The following RUSC2 variants were observed in gnomAD, a reference collection of about 807,000 sequenced individuals.
RUSC2 encodes the protein RUN and SH3 domain containing 2.
In RUSC2, 34 loss-of-function variants were observed where a neutral mutation model predicts 122.2. The observed-to-expected ratio is 0.28, with a 90% CI of 0.21 to 0.37. RUSC2 has a LOEUF of 0.37. Among genes scored for constraint, RUSC2 ranks in the 10% least tolerant of loss-of-function variants. The pLI, the probability that RUSC2 is intolerant of heterozygous loss-of-function variation, is 1.00. For synonymous variants in RUSC2, 784 were observed against 790.0 expected, an observed-to-expected ratio of 0.99 and a Z score of 0.13; for missense variants, 1,747 against 1,952.4, an observed-to-expected ratio of 0.89 and a Z score of 1.98.
chr9:35,525,704 CAGG>C (rs893759475), intron 1 of RUSC2, among the ~76,000 whole-genome samples: 5 of 152,110 alleles, frequency 3.3e-5, no homozygotes, highest in Admixed American at 1.3e-4. Flanking sequence ...GAGGTTGAGG[CAGG>C]AGAATTGCTT....
chr9:35,516,217 T>G (rs1821104677), intron 1 of RUSC2, among the ~76,000 whole-genome samples: 1 of 152,086 alleles, frequency 6.6e-6, no homozygotes, highest in Non-Finnish European at 1.5e-5. Flanking sequence ...CTATAGCAGT[T>G]TGCCACCTGT....
chr9:35,560,374 A>G lies in RUSC2; in HGVS notation c.3734A>G (p.Glu1245Gly), dbSNP rs1322624320. Reference protein sequence around the residue: ...SEGGEEEEEEEETEEVAEAAG... With the variant: ...SEGGEEEEEEGETEEVAEAAG... ...GGTGGAGAAGAGGAAGAGGAAGAAG[A>G]GGAGACAGAAGAGGTGGCAGAGGCA... The change falls in exon 10 of 12, where the codon GAG (glutamate) becomes GGG (glycine). Residue 1245 changes from glutamate to glycine, a missense_variant. Coordinates refer to ENST00000361226, the MANE Select transcript of RUSC2 (RefSeq NM_014806.5). The G allele has an allele frequency of 1.2e-6, 2 of 1,613,564 alleles. No homozygotes were observed. Among genetic ancestry groups the G allele is most frequent in the Non-Finnish European group, 1.7e-6 (2 of 1,179,796 alleles).
chr9:35,517,896 A>G (rs1328981272), intron 1 of RUSC2, among the ~76,000 whole-genome samples: 1 of 152,124 alleles, frequency 6.6e-6, no homozygotes, highest in Non-Finnish European at 1.5e-5. Flanking sequence ...TTTTCCTACC[A>G]CACACCAGAA....
At chr9:35,521,502 A>G (rs984681739) in intron 1 of RUSC2, among the ~76,000 whole-genome samples, 5 of 152,194 alleles carry the variant, frequency 3.3e-5, no homozygotes, top group East Asian at 1.9e-4. Flanking sequence ...TACTTTCCCA[A>G]TGCTGCAGTC....
intron 1 of RUSC2, among the ~76,000 whole-genome samples, chr9:35,527,138 G>GTTTTT (rs11455572): frequency 6.7e-6 from 1 of 149,176 alleles, no homozygotes. Flanking sequence ...TCCTTTCGTT[G>GTTTTT]TTTTTTTTTT....
Position 35,548,523 on chromosome 9 carries a change from G to A in RUSC2, c.2002G>A (p.Ala668Thr), listed in dbSNP as rs1204918639. 3 of 1,611,214 alleles carry A rather than the reference G, an allele frequency of 1.9e-6. No individual in the cohort carries two copies. Among genetic ancestry groups the A allele is most frequent in the Non-Finnish European group, 1.7e-6 (2 of 1,179,168 alleles). Residue 668 changes from alanine to threonine, a missense_variant, in exon 2 of 12, where the codon GCT becomes ACT. By Grantham distance (58) the Ala-to-Thr change is moderately conservative. Coordinates refer to ENST00000361226, the MANE Select transcript of RUSC2 (RefSeq NM_014806.5). This position sits in a 1 kb window ranked among gnomAD's most constrained non-coding sequence, Gnocchi z 4.5. The stretch of plus-strand genomic sequence containing the variant: ...CAGCCATACCCAGAGGGATGCAAGA[G>A]CTAGAGCTGACGGTAAGGAGCCTAA... The part of the protein sequence containing the change: ...ANSHTQRDAR[A>T]RADGGGTESR...
chr9:35,522,163 C>T (rs1055633389), intron 1 of RUSC2, among the ~76,000 whole-genome samples: 5 of 152,160 alleles, frequency 3.3e-5, no homozygotes, highest in African/African-American at 9.7e-5. Flanking sequence ...TTTCCAAATT[C>T]GTGTACAAAG....
rs996101288 is a variant in RUSC2, at chr9:35,557,417, TTATAAC to T, written c.2984-494_2984-489del. ...GGAGGTAGAGGGAAGTTAAAGGAGT[TTATAAC>T]TAGGGAACTCTGTTCTCTGAAGCAG... is the stretch of plus-strand genomic sequence containing the variant. On this transcript the variant is annotated intron_variant, in intron 5 of 11. Coordinates refer to ENST00000361226, the MANE Select transcript of RUSC2 (RefSeq NM_014806.5). This position sits in a 1 kb window ranked among gnomAD's most constrained non-coding sequence, Gnocchi z 4.6. Among the ~76,000 whole-genome samples the T allele has an allele frequency of 1.3e-5, 2 of 151,924 alleles. No individual in the cohort carries two copies. The highest frequency in any genetic ancestry group is 1.5e-5 in the Non-Finnish European group (1 of 67,988).
At chr9:35,506,880 C>A (rs754539067) in intron 1 of RUSC2, among the ~76,000 whole-genome samples, 23 of 152,054 alleles carry the variant, frequency 1.5e-4, no homozygotes, top group Middle Eastern at 3.2e-3. Flanking sequence ...CTTTGGGAGC[C>A]CAAGGCAGGA....
intron 1 of RUSC2, among the ~76,000 whole-genome samples, chr9:35,500,070 C>G (rs983897363): frequency 6.6e-6 from 1 of 152,150 alleles, no homozygotes; most frequent in Admixed American, 6.6e-5. Flanking sequence ...TTCCGGATAG[C>G]TAGAGTTTTT....
rs1034126775 is a variant in RUSC2 at position 35,561,145 on chromosome 9, G to C, written c.4350-36G>C. 3 of 1,613,284 alleles carry C rather than the reference G, an allele frequency of 1.9e-6. No individual in the cohort carries two copies. The African/African-American group carries it at 4.0e-5, about 22-fold the overall frequency. Reference sequence around the variant, plus strand: ...GCTGAGGGGGGCGGGGGGCTTTTGAGGGGGTTTCTCTGACCTCCATGTGCT... The same window carrying C: ...GCTGAGGGGGGCGGGGGGCTTTTGACGGGGTTTCTCTGACCTCCATGTGCT... On this transcript the variant is annotated intron_variant, in intron 11 of 11. Transcript: ENST00000361226.
At chr9:35,542,715 G>A (rs1276349283) in intron 1 of RUSC2, among the ~76,000 whole-genome samples, 1 of 152,196 alleles carries the variant, frequency 6.6e-6, no homozygotes, top group African/African-American at 2.4e-5. Flanking sequence ...TCCAGTCTGG[G>A]AGATAGATAT....
rs765026717 is a variant in RUSC2, at chr9:35,561,205, C to G, written c.4374C>G (p.His1458Gln). 1 of 1,614,122 alleles carries G rather than the reference C, an allele frequency of 6.2e-7. No individual in the cohort carries two copies. The highest frequency in any genetic ancestry group is 2.2e-5 in the East Asian group (1 of 44,880). ...GTGAGGTGCAGGCACTGTGCCACCA[C>G]CTGGCCACCGGCCCTGGACAGCTGA... is the stretch of plus-strand genomic sequence containing the variant. ...PPCEVQALCH[H>Q]LATGPGQLSF... Residue 1458 changes from histidine (H) to glutamine (Q), a missense_variant, in exon 12 of 12, where the codon CAC (histidine) becomes CAG (glutamine). His to Gln is a conservative substitution (Grantham distance 24). Coordinates refer to ENST00000361226, the MANE Select transcript of RUSC2 (RefSeq NM_014806.5).
intron 1 of RUSC2, among the ~76,000 whole-genome samples, chr9:35,534,564 C>A (rs984954922): frequency 6.6e-6 from 1 of 152,226 alleles, no homozygotes; most frequent in Non-Finnish European, 1.5e-5. Context: ...TCACTGCAAC[C>A]TCTGCCTCCC....
At chr9:35,509,557 A>G (rs903540574) in intron 1 of RUSC2, among the ~76,000 whole-genome samples, 3 of 152,208 alleles carry the variant, frequency 2.0e-5, no homozygotes, top group African/African-American at 7.2e-5. Flanking sequence ...GCTTTACTTT[A>G]CAACTTACAG....
In RUSC2 at chr9:35,560,572, C is replaced by A; in HGVS notation, c.3932C>A (p.Pro1311His). The change falls in exon 10 of 12, where the codon CCT becomes CAT. Residue 1311 changes from proline (P) to histidine (H), a missense_variant. Physicochemically the swap from Pro to His is moderately conservative, Grantham distance 77. Coordinates refer to ENST00000361226, the MANE Select transcript of RUSC2 (RefSeq NM_014806.5). ...AAGAAAGGGGCAGGAGGTGGGGGAC[C>A]TCCCCAGGCTCCACCACCCCGAGAG... ...EKKKGAGGGG[P>H]PQAPPPREGV... 1 of 1,614,052 alleles carries A rather than the reference C, an allele frequency of 6.2e-7. No homozygotes were observed. The highest frequency in any genetic ancestry group is 1.3e-5 in the African/African-American group (1 of 75,054).
chr9:35,505,544 A>G (rs892818646), intron 1 of RUSC2, among the ~76,000 whole-genome samples: 4 of 152,164 alleles, frequency 2.6e-5, no homozygotes, highest in African/African-American at 7.2e-5. Context: ...TTATATAACC[A>G]TAAACTCCAT....
intron 1 of RUSC2, among the ~76,000 whole-genome samples, chr9:35,537,951 C>T (rs1254815382): frequency 6.6e-6 from 1 of 152,150 alleles, no homozygotes; most frequent in Non-Finnish European, 1.5e-5. Context: ...TTCCTTATTC[C>T]CACAGAATTG....
chr9:35,548,837 C>A lies in RUSC2; in HGVS notation c.2014+302C>A. On this transcript the variant is annotated intron_variant, in intron 2 of 11. Transcript: ENST00000361226. The surrounding 1 kb of genome is among the most constrained non-coding windows in gnomAD (Gnocchi z 4.5). ...TTGAGGTCAGGAGTTTGAGACCAGC[C>A]TGGCCAACATAATGAAACCCCAGCT... 1.4e-6 allele frequency: 1 copy of A among 730,130 alleles called. No individual in the cohort carries two copies. Among genetic ancestry groups the A allele is most frequent in the Non-Finnish European group, 1.7e-6 (1 of 596,830 alleles). 45.2% of individuals were successfully genotyped at this position (730,130 alleles called of 1,614,324 possible). A position where few individuals can be genotyped will look rare whatever the true frequency, so the allele number is the denominator to read the frequency against.
Sources: gnomAD v4.1 joint callset for allele counts (sites outside exome capture counted in the v4.1 genomes callset) on GRCh38, gnomAD v4.1.1 for gene constraint, Gnocchi (gnomAD v3.1) non-coding constraint, MANE v1.5 for transcripts, NCBI Gene and HGNC (gene_info 2026-07-23, HGNC 2026-07-21) for gene names.